The following DNAJC11 variants were observed in gnomAD, a reference collection of about 807,000 sequenced individuals.
DNAJC11 encodes the protein DnaJ heat shock protein family (Hsp40) member C11, also known as dnaJ homolog subfamily C member 11.
Under a neutral mutation model 78.6 loss-of-function variants are expected in DNAJC11, and 15 were observed. That is an observed-to-expected ratio of 0.19 (90% CI 0.13 to 0.29). The LOEUF (loss-of-function observed/expected upper bound fraction) is 0.29, where lower values mean the gene tolerates loss of function less well. DNAJC11 is among the 10% of genes least tolerant of loss of function. The pLI is 1.00. For synonymous variants in DNAJC11, 292 were observed against 272.1 expected, an observed-to-expected ratio of 1.07 and a Z score of -0.72; for missense variants, 547 against 709.6, an observed-to-expected ratio of 0.77 and a Z score of 2.60.
At chr1:6,646,104 G>A in intron 7 of DNAJC11, 126 bp from the exon 8 acceptor site, 5 of 913,326 alleles carry the variant, frequency 5.5e-6, no homozygotes, top group Non-Finnish European at 4.9e-6. Context: ...CCAGCTCCCA[G>A]TAAAAAAAAA....
intron 1 of DNAJC11, among the ~76,000 whole-genome samples, chr1:6,692,847 G>A (rs1347499219): frequency 6.6e-6 from 1 of 152,070 alleles, no homozygotes; most frequent in African/African-American, 2.4e-5. Context: ...CCGACTTCAG[G>A]TGATCTGCCC....
chr1:6,674,682 C>T (rs1642432373), intron 3 of DNAJC11, among the ~76,000 whole-genome samples: 2 of 151,892 alleles, frequency 1.3e-5, no homozygotes, highest in South Asian at 2.1e-4. Context: ...AAGCCACGAT[C>T]GTGCCACTAC....
intron 1 of DNAJC11, among the ~76,000 whole-genome samples, chr1:6,697,945 C>G (rs1467955027): frequency 6.6e-6 from 1 of 152,120 alleles, no homozygotes; most frequent in Admixed American, 6.5e-5. Flanking sequence ...CGCCCGCCAC[C>G]ACGCCCGGCT....
At chr1:6,679,438 C>T (rs1281058373) in intron 2 of DNAJC11, among the ~76,000 whole-genome samples, 1 of 152,146 alleles carries the variant, frequency 6.6e-6, no homozygotes, top group African/African-American at 2.4e-5. Flanking sequence ...GAACGATATC[C>T]CAACTGAACT....
intron 10 of DNAJC11, among the ~76,000 whole-genome samples, chr1:6,643,238 G>A (rs1049839473): frequency 6.6e-6 from 1 of 151,780 alleles, no homozygotes; most frequent in Non-Finnish European, 1.5e-5. Context: ...ACTGGAGCAC[G>A]TTTAGAAAGA....
intron 3 of DNAJC11, among the ~76,000 whole-genome samples, chr1:6,678,036 A>G (rs1310145074): frequency 6.6e-6 from 1 of 152,198 alleles, no homozygotes; most frequent in Non-Finnish European, 1.5e-5. Flanking sequence ...AAGGGAGTGT[A>G]TATGGAGACA....
At chr1:6,701,672 C>A in intron 1 of DNAJC11, 57 bp downstream of exon 1, 2 of 1,473,594 alleles carry the variant, frequency 1.4e-6, no homozygotes, top group Non-Finnish European at 9.0e-7. Context: ...CCAGCCCGGC[C>A]CTCCCGAACG....
At chr1:6,688,288 C>T (rs1454206390) in intron 1 of DNAJC11, among the ~76,000 whole-genome samples, 4 of 152,210 alleles carry the variant, frequency 2.6e-5, no homozygotes, top group African/African-American at 9.6e-5. Context: ...TTGTACCTGA[C>T]TTAGATTTAC....
intron 7 of DNAJC11, among the ~76,000 whole-genome samples, chr1:6,647,080 CTTT>C (rs70981396): frequency 6.3e-5 from 6 of 95,012 alleles, no homozygotes; most frequent in Non-Finnish European, 8.2e-5. Flanking sequence ...CTGGACAGGT[CTTT>C]TTTTTTTTTT....
intron 1 of DNAJC11, 69 bp from the exon 2 acceptor site, chr1:6,681,106 C>T (rs534009170): frequency 3.1e-4 from 464 of 1,510,262 alleles, no homozygotes; most frequent in Non-Finnish European, 3.9e-4. Context: ...CAGAATCAGC[C>T]TTGAAATGGG....
chr1:6,646,339 T>A (rs1641965523), intron 7 of DNAJC11, among the ~76,000 whole-genome samples: 1 of 152,120 alleles, frequency 6.6e-6, no homozygotes, highest in Admixed American at 6.6e-5. Flanking sequence ...TATTAAGCAG[T>A]CCAAGACAGT....
At chr1:6,664,452 A>G (rs1462283979) in intron 4 of DNAJC11, among the ~76,000 whole-genome samples, 5 of 151,982 alleles carry the variant, frequency 3.3e-5, no homozygotes, top group African/African-American at 1.2e-4. Context: ...GTTAGCCAGG[A>G]TGGTCTCGAT....
At position 6,680,080 on chromosome 1, in the gene DNAJC11, T is replaced by C. The variant is rs1642529500; in HGVS notation, c.202+828A>G. Among the ~76,000 whole-genome samples, 1 of 152,260 alleles carries C rather than the reference T, an allele frequency of 6.6e-6. No homozygotes were observed. The highest frequency in any genetic ancestry group is 2.4e-5 in the African/African-American group (1 of 41,478). ...ACAGTGAGATGACTTTATGATTTTA[T>C]AAAGAAACATATTATCTAATTTTTG... On this transcript the variant is annotated intron_variant, in intron 2 of 15. Coordinates refer to ENST00000377577, the MANE Select transcript of DNAJC11 (RefSeq NM_018198.4). This position sits in a 1 kb window ranked among gnomAD's most constrained non-coding sequence, Gnocchi z 4.0.
intron 7 of DNAJC11, 111 bp downstream of exon 7, chr1:6,651,418 C>A: frequency 1.1e-6 from 1 of 943,126 alleles, no homozygotes; most frequent in Non-Finnish European, 1.7e-6. Context: ...ACGCAGTGAC[C>A]TTGTAGGACA....
In DNAJC11 at chr1:6,645,001, A is replaced by G; in HGVS notation, c.980+40T>C. On this transcript the variant is annotated intron_variant, in intron 9 of 15. Coordinates refer to ENST00000377577, the MANE Select transcript of DNAJC11 (RefSeq NM_018198.4). The surrounding 1 kb of genome is among the most constrained non-coding windows in gnomAD (Gnocchi z 4.1). Reference sequence around the variant, plus strand: ...GGTTCCACTGTGAAGACCCGCATGCAGTACCAGTGTGCTTCCATTTTAGCC... The same window carrying G: ...GGTTCCACTGTGAAGACCCGCATGCGGTACCAGTGTGCTTCCATTTTAGCC... The G allele has an allele frequency of 6.4e-7, 1 of 1,569,620 alleles. No homozygotes were observed.
intron 11 of DNAJC11, among the ~76,000 whole-genome samples, chr1:6,639,203 T>C (rs895840604): frequency 7.4e-6 from 1 of 135,358 alleles, no homozygotes; most frequent in African/African-American, 2.7e-5. Flanking sequence ...TCTGTGACTT[T>C]CAAGACTCTA....
At chr1:6,660,039 G>C (rs992834077) in intron 4 of DNAJC11, among the ~76,000 whole-genome samples, 1 of 148,900 alleles carries the variant, frequency 6.7e-6, no homozygotes, top group Admixed American at 6.7e-5. Context: ...CTGGGCAACA[G>C]AGCAAGACTC....
At chr1:6,681,886 T>TA (rs1642559436) in intron 1 of DNAJC11, among the ~76,000 whole-genome samples, 1 of 152,198 alleles carries the variant, frequency 6.6e-6, no homozygotes, top group East Asian at 1.9e-4. Flanking sequence ...TTTTGGCCTA[T>TA]CAGGGGTGGT....
intron 1 of DNAJC11, among the ~76,000 whole-genome samples, chr1:6,690,815 T>G (rs529533466): frequency 2.0e-5 from 3 of 152,234 alleles, no homozygotes; most frequent in Middle Eastern, 6.8e-3. Context: ...TCCCAGCTAC[T>G]CGGGAGGCTG....
Sources: gnomAD v4.1 joint callset for allele counts (sites outside exome capture counted in the v4.1 genomes callset) on GRCh38, gnomAD v4.1.1 for gene constraint, Gnocchi (gnomAD v3.1) non-coding constraint, MANE v1.5 for transcripts, NCBI Gene and HGNC (gene_info 2026-07-23, HGNC 2026-07-21) for gene names.